SH3D19: variants seen among roughly 807,000 people sequenced by gnomAD.
The protein encoded by SH3D19 is SH3 domain containing 19, also known as SH3 domain-containing protein 19.
A neutral mutation model predicts 112.1 loss-of-function variants in SH3D19; 58 were observed. The observed-to-expected ratio is 0.52, with a 90% CI of 0.42 to 0.64. The LOEUF (loss-of-function observed/expected upper bound fraction) is 0.64, where lower values mean the gene tolerates loss of function less well. SH3D19 is among the 30% of genes least tolerant of loss of function. The pLI is 0.00. For synonymous variants in SH3D19, 391 were observed against 448.5 expected, an observed-to-expected ratio of 0.87 and a Z score of 1.62; for missense variants, 1,090 against 1,263.4, an observed-to-expected ratio of 0.86 and a Z score of 2.08.
At chr4:151,299,953 G>A (rs1728203568) in intron 1 of SH3D19, among the ~76,000 whole-genome samples, 1 of 152,160 alleles carries the variant, frequency 6.6e-6, no homozygotes, top group Non-Finnish European at 1.5e-5. Flanking sequence ...TGTAATCCTA[G>A]CACTTTGGGA....
chr4:151,141,300 A>AT (rs1752936262), intron 12 of SH3D19, among the ~76,000 whole-genome samples: 1 of 152,004 alleles, frequency 6.6e-6, no homozygotes, highest in Admixed American at 6.6e-5. Flanking sequence ...TAATTTTTGT[A>AT]TTTTTTGTAG....
chr4:151,169,312 A>C (rs372890133), intron 7 of SH3D19, among the ~76,000 whole-genome samples: 9 of 152,082 alleles, frequency 5.9e-5, no homozygotes, highest in African/African-American at 2.2e-4. Context: ...TTCTTTCTCC[A>C]TGTGGCGAGG....
At chr4:151,314,138 A>C (rs1729763383) in intron 1 of SH3D19, among the ~76,000 whole-genome samples, 1 of 152,214 alleles carries the variant, frequency 6.6e-6, no homozygotes, top group African/African-American at 2.4e-5. Context: ...TCTCAGTCCC[A>C]TGCAGCAGCC....
At chr4:151,135,421 ATTTTTTTT>A (rs34291277) in intron 14 of SH3D19, among the ~76,000 whole-genome samples, 12 of 87,464 alleles carry the variant, frequency 1.4e-4, no homozygotes, top group Non-Finnish European at 1.8e-4. Context: ...TCTCTATCTC[ATTTTTTTT>A]TTTTTTTTTT....
At chr4:151,129,532 G>C (rs938256978) in intron 17 of SH3D19, among the ~76,000 whole-genome samples, 2 of 152,132 alleles carry the variant, frequency 1.3e-5, no homozygotes, top group African/African-American at 4.8e-5. Context: ...ACCACACCCA[G>C]CTAATTTTTG....
chr4:151,198,344 T>TA (rs1763833384), intron 2 of SH3D19, among the ~76,000 whole-genome samples: 1 of 140,278 alleles, frequency 7.1e-6, no homozygotes, highest in African/African-American at 2.6e-5. Flanking sequence ...AAAATATATA[T>TA]TATATAAAAT....
intron 1 of SH3D19, among the ~76,000 whole-genome samples, chr4:151,299,536 C>T (rs1056673805): frequency 8.5e-4 from 126 of 148,756 alleles, no homozygotes; most frequent in Admixed American, 1.1e-3. Flanking sequence ...GCCGAGATTG[C>T]GCCACTGCAC....
At chr4:151,216,489 C>T (rs1767126944) in intron 2 of SH3D19, among the ~76,000 whole-genome samples, 2 of 152,048 alleles carry the variant, frequency 1.3e-5, no homozygotes, top group Admixed American at 6.6e-5. Context: ...GTATAAACAA[C>T]TACTTCTAAA....
chr4:151,302,114 T>A (rs930784876), intron 1 of SH3D19, among the ~76,000 whole-genome samples: 1 of 152,194 alleles, frequency 6.6e-6, no homozygotes, highest in African/African-American at 2.4e-5. Flanking sequence ...ACACCATTAA[T>A]GTCAGGTTAA....
At chr4:151,141,401 C>T (rs747826061) in intron 12 of SH3D19, among the ~76,000 whole-genome samples, 2 of 152,188 alleles carry the variant, frequency 1.3e-5, no homozygotes, top group Non-Finnish European at 2.9e-5. Flanking sequence ...GCTGGGATTA[C>T]AGGAGTGAGC....
chr4:151,247,681 T>G (rs1032750661), intron 1 of SH3D19, among the ~76,000 whole-genome samples: 2 of 152,176 alleles, frequency 1.3e-5, no homozygotes, highest in African/African-American at 4.8e-5. Context: ...CATCACCAGC[T>G]CCTCCATTTT....
At chr4:151,158,325 G>T (rs573545965) in intron 9 of SH3D19, among the ~76,000 whole-genome samples, 2 of 152,098 alleles carry the variant, frequency 1.3e-5, no homozygotes, top group African/African-American at 4.8e-5. Flanking sequence ...TTGAGATGGA[G>T]TCTCACTCTG....
intron 13 of SH3D19, 52 bp downstream of exon 13, chr4:151,139,723 A>C: frequency 1.3e-6 from 2 of 1,546,030 alleles, no homozygotes; most frequent in Non-Finnish European, 8.9e-7. Context: ...GCAGGGAAAA[A>C]GACTTACTCC....
At chr4:151,174,578 T>C (rs1035796682) in intron 7 of SH3D19, 92 bp downstream of exon 7, 9 of 1,214,958 alleles carry the variant, frequency 7.4e-6, no homozygotes, top group African/African-American at 4.5e-5. Context: ...CACACCTCAA[T>C]AACTTATGTA....
chr4:151,284,956 T>C lies in SH3D19; in HGVS notation c.112+40285A>G, dbSNP rs377544346. ...CGCTCTGTGGCTCTCTCCTTTCTGG[T>C]ATATTTCCCTGCACTTTCCAACTGC... is the stretch of plus-strand genomic sequence containing the variant. On this transcript the variant is annotated intron_variant, in intron 1 of 19. Coordinates refer to ENST00000604030, the MANE Select transcript of SH3D19 (RefSeq NM_001378122.1). Among the ~76,000 whole-genome samples the C allele has an allele frequency of 4.6e-5, 7 of 152,320 alleles. No individual in the cohort carries two copies. In the East Asian group the frequency reaches 7.7e-4, roughly 17 times the overall value.
intron 19 of SH3D19, 85 bp from the exon 20 acceptor site, chr4:151,122,292 ATCT>A (rs1258412729): frequency 2.8e-6 from 2 of 709,978 alleles, no homozygotes; most frequent in African/African-American, 1.8e-5. Flanking sequence ...AGCATGAATA[ATCT>A]TCTCTGTATA....
At chr4:151,133,651 A>C (rs1193625204) in intron 15 of SH3D19, among the ~76,000 whole-genome samples, 1 of 152,184 alleles carries the variant, frequency 6.6e-6, no homozygotes, top group Non-Finnish European at 1.5e-5. Context: ...ACTACTAATC[A>C]GGGCAGAATG....
At chr4:151,215,532 T>G (rs1354122710) in intron 2 of SH3D19, among the ~76,000 whole-genome samples, 3 of 152,232 alleles carry the variant, frequency 2.0e-5, no homozygotes, top group African/African-American at 7.2e-5. Flanking sequence ...CAAAGGATAC[T>G]GATTCTCAAT....
intron 9 of SH3D19, among the ~76,000 whole-genome samples, 156 bp downstream of exon 9, chr4:151,159,084 T>C (rs1756683703): frequency 6.6e-6 from 1 of 152,216 alleles, no homozygotes; most frequent in Non-Finnish European, 1.5e-5. Flanking sequence ...TTGAACACTA[T>C]ATTATATAAG....
Sources: gnomAD v4.1 joint callset for allele counts (sites outside exome capture counted in the v4.1 genomes callset) on GRCh38, gnomAD v4.1.1 for gene constraint, MANE v1.5 for transcripts, NCBI Gene and HGNC (gene_info 2026-07-23, HGNC 2026-07-21) for gene names.